The following SGSM3 variants were observed in gnomAD, a reference collection of about 807,000 sequenced individuals.
The protein encoded by SGSM3 is RUN and SH3 containing 3.
A neutral mutation model predicts 100.5 loss-of-function variants in SGSM3; 96 were observed. The observed-to-expected ratio is 0.96, with a 90% CI of 0.81 to 1.13. The LOEUF (loss-of-function observed/expected upper bound fraction) is 1.13, where lower values mean the gene tolerates loss of function less well. Among genes scored for constraint, SGSM3 ranks in the 50% most tolerant of loss-of-function variants. SGSM3 has a pLI of 0.00. For missense variants in SGSM3, 1,001 were observed against 1,015.8 expected, an observed-to-expected ratio of 0.99 and a Z score of 0.20; for synonymous variants, 483 against 422.8, an observed-to-expected ratio of 1.14 and a Z score of -1.75.
intron 5 of SGSM3, 31 bp downstream of exon 5, chr22:40,404,486 T>C: frequency 6.2e-7 from 1 of 1,609,918 alleles, no homozygotes; most frequent in Non-Finnish European, 8.5e-7. Context: ...CACAGGGTGT[T>C]GAGAGGGTCC....
intron 1 of SGSM3, among the ~76,000 whole-genome samples, chr22:40,396,716 G>T (rs1333905235): frequency 6.6e-6 from 1 of 151,664 alleles, no homozygotes; most frequent in Non-Finnish European, 1.5e-5. Context: ...GTGTTGTTAA[G>T]AAAATAGGAC....
intron 1 of SGSM3, among the ~76,000 whole-genome samples, chr22:40,397,843 G>C (rs915226164): frequency 3.9e-5 from 6 of 152,040 alleles, no homozygotes; most frequent in African/African-American, 1.5e-4. Flanking sequence ...ATATTCTAAA[G>C]AGCTTCTCCT....
chr22:40,407,683 T>G lies in SGSM3; in HGVS notation c.1525-106T>G. The G allele has an allele frequency of 6.3e-7, 1 of 1,578,738 alleles. No individual in the cohort carries two copies. Among genetic ancestry groups the G allele is most frequent in the Non-Finnish European group, 8.7e-7 (1 of 1,150,904 alleles). ...GCCAAGAGCTTCTCTTGTGAAGATGTAGGGGTCTTGGCCTGGCCTAGTTGC... is the reference window on the plus strand; with the variant it reads ...GCCAAGAGCTTCTCTTGTGAAGATGGAGGGGTCTTGGCCTGGCCTAGTTGC... On this transcript the variant is annotated intron_variant, in intron 13 of 21. Transcript: ENST00000248929. This position sits in a 1 kb window ranked among gnomAD's most constrained non-coding sequence, Gnocchi z 4.7.
chr22:40,393,620 C>A (rs2049652673), intron 1 of SGSM3, among the ~76,000 whole-genome samples: 1 of 152,222 alleles, frequency 6.6e-6, no homozygotes, highest in African/African-American at 2.4e-5. Flanking sequence ...CACGGATGAT[C>A]ACCCACTCCT....
In SGSM3 at chr22:40,393,944, C is replaced by T. The variant is rs145852242; in HGVS notation, c.-111-6752C>T. ...ACACATTAAAACCAAAGCACTCTTT[C>T]TAGAAATACTCACTTCTGTTGGTTT... On this transcript the variant is annotated intron_variant, in intron 1 of 21. Coordinates refer to ENST00000248929, the MANE Select transcript of SGSM3 (RefSeq NM_015705.6). 1.4e-3 allele frequency among the ~76,000 whole-genome samples: 208 copies of T among 152,348 alleles called. 2 individuals are homozygous for T. Among genetic ancestry groups the T allele is most frequent in the African/African-American group, 4.8e-3 (198 of 41,580 alleles).
At position 40,407,635 on chromosome 22, in the gene SGSM3, G is replaced by C. The variant is rs2051791187; in HGVS notation, c.1524+67G>C. The C allele has an allele frequency of 6.3e-7, 1 of 1,579,210 alleles. No individual in the cohort carries two copies. Among genetic ancestry groups the C allele is most frequent in the African/African-American group, 1.3e-5 (1 of 74,510 alleles). ...GGGTTCCCCAGACTCCCTCCACCAA[G>C]CCCCACCCCAACCCCTTTCCCTGCC... On this transcript the variant is annotated intron_variant, in intron 13 of 21. Transcript: ENST00000248929. The surrounding 1 kb of genome is among the most constrained non-coding windows in gnomAD (Gnocchi z 4.7).
At chr22:40,405,505 G>T (rs771635336) in intron 7 of SGSM3, 144 bp from the exon 8 acceptor site, 66 of 900,508 alleles carry the variant, frequency 7.3e-5, no homozygotes, top group Non-Finnish European at 9.1e-5. Context: ...GGCAGGCCAA[G>T]GAAAGCAGCC....
chr22:40,402,105 C>T, intron 3 of SGSM3, 34 bp from the exon 4 acceptor site: 1 of 1,560,548 alleles, frequency 6.4e-7, no homozygotes, highest in Non-Finnish European at 8.8e-7. Flanking sequence ...AACTAGGGGA[C>T]AGGCAACTGA....
intron 1 of SGSM3, among the ~76,000 whole-genome samples, chr22:40,396,592 CAAAAAAAAAA>C (rs778373023): frequency 1.1e-4 from 5 of 44,460 alleles, no homozygotes; most frequent in Admixed American, 2.0e-4. Context: ...GACTCTGTCT[CAAAAAAAAAA>C]AAAAAAAAAA....
At chr22:40,393,230 C>A (rs2049593385) in intron 1 of SGSM3, among the ~76,000 whole-genome samples, 1 of 152,236 alleles carries the variant, frequency 6.6e-6, no homozygotes, top group Non-Finnish European at 1.5e-5. Flanking sequence ...AATTCTCCCG[C>A]CTCGGCCTCC....
At chr22:40,395,487 A>G (rs550194914) in intron 1 of SGSM3, among the ~76,000 whole-genome samples, 90 of 152,030 alleles carry the variant, frequency 5.9e-4, no homozygotes, top group Non-Finnish European at 1.2e-3. Flanking sequence ...ACGCCCAGCT[A>G]ATTTTTGTAA....
intron 19 of SGSM3, 29 bp from the exon 20 acceptor site, chr22:40,409,221 C>T (rs2052191375): frequency 1.3e-6 from 2 of 1,577,908 alleles, no homozygotes; most frequent in South Asian, 1.1e-5. Flanking sequence ...GGAGCTGCCC[C>T]TGCTCCCCAC....
chr22:40,406,703 C>G lies in SGSM3; in HGVS notation c.1185+41C>G, dbSNP rs368110385. On this transcript the variant is annotated intron_variant, in intron 10 of 21. Coordinates refer to ENST00000248929, the MANE Select transcript of SGSM3 (RefSeq NM_015705.6). ...GGGCCGCACCTTGACCCACAGCACACGGGGAGGAGGGGTCACCTTGAAGTT... is the reference window on the plus strand; with the variant it reads ...GGGCCGCACCTTGACCCACAGCACAGGGGGAGGAGGGGTCACCTTGAAGTT... The G allele has an allele frequency of 5.9e-6, 9 of 1,514,454 alleles. No individual in the cohort carries two copies. The African/African-American group carries it at 1.2e-4, about 21-fold the overall frequency. 93.8% of individuals were successfully genotyped at this position (1,514,454 alleles called of 1,614,324 possible).
chr22:40,407,129 A>G lies in SGSM3; in HGVS notation c.1240+58A>G. 6.2e-7 allele frequency: 1 copy of G among 1,611,316 alleles called. No homozygotes were observed. Among genetic ancestry groups the G allele is most frequent in the Non-Finnish European group, 8.5e-7 (1 of 1,178,694 alleles). ...CATGCGGGAGTCTGTCCTCACGCTC[A>G]TGTGGACGTGGAGCTTCCTCCTCGG... On this transcript the variant is annotated intron_variant, in intron 11 of 21. Coordinates refer to ENST00000248929, the MANE Select transcript of SGSM3 (RefSeq NM_015705.6). The surrounding 1 kb of genome is among the most constrained non-coding windows in gnomAD (Gnocchi z 4.7).
chr22:40,387,079 G>A (rs2048587865), intron 1 of SGSM3: 1 of 394,822 alleles, frequency 2.5e-6, no homozygotes, highest in East Asian at 3.6e-5. Context: ...TTGATAACTA[G>A]AGTTGTGCTA....
intron 10 of SGSM3, 149 bp from the exon 11 acceptor site, chr22:40,406,868 G>A: frequency 3.2e-6 from 3 of 944,290 alleles, no homozygotes; most frequent in South Asian, 3.0e-5. Context: ...CACGGTTTGG[G>A]AGGAAGGCAG....
rs758038346 is a variant in SGSM3 at position 40,405,252 on chromosome 22, C to G, written c.586C>G (p.Pro196Ala). 9 of 1,540,540 alleles carry G rather than the reference C, an allele frequency of 5.8e-6. No homozygotes were observed. Among genetic ancestry groups the G allele is most frequent in the Non-Finnish European group, 7.9e-6 (9 of 1,142,476 alleles). Residue 196 changes from proline (P) to alanine (A), a missense_variant, in exon 7 of 22, where the codon CCA becomes GCA. Transcript: ENST00000248929. ...RVLRALAWLY[P>A]EIGYCQGTGM... The stretch of plus-strand genomic sequence containing the variant: ...GCTCCGGGCCCTGGCCTGGCTCTAC[C>G]CAGAGATCGGCTACTGCCAGGGCAC...
chr22:40,402,005 TG>T (rs1352068068), intron 3 of SGSM3, 133 bp from the exon 4 acceptor site: 1 of 683,788 alleles, frequency 1.5e-6, no homozygotes, highest in Non-Finnish European at 2.6e-6. Flanking sequence ...AGGCGGCTTT[TG>T]GAAGAGTAGC....
At chr22:40,379,113 G>A (rs1300958188) in intron 1 of SGSM3, among the ~76,000 whole-genome samples, 1 of 152,114 alleles carries the variant, frequency 6.6e-6, no homozygotes, top group Non-Finnish European at 1.5e-5. Context: ...CATACAGTGT[G>A]GTCTCTTATT....
Sources: gnomAD v4.1 joint callset for allele counts (sites outside exome capture counted in the v4.1 genomes callset) on GRCh38, gnomAD v4.1.1 for gene constraint, Gnocchi (gnomAD v3.1) non-coding constraint, MANE v1.5 for transcripts, NCBI Gene and HGNC (gene_info 2026-07-23, HGNC 2026-07-21) for gene names.